CNTNAP2: variants seen among roughly 807,000 people sequenced by gnomAD.
The protein encoded by CNTNAP2 is contactin-associated protein-like 2.
A neutral mutation model predicts 155.2 loss-of-function variants in CNTNAP2; 98 were observed. The ratio of observed to expected loss-of-function variants is 0.63; its 90% CI spans 0.54 to 0.75. The LOEUF is 0.75. Among genes scored for constraint, CNTNAP2 ranks in the 30% least tolerant of loss-of-function variants. The pLI is 0.00. For synonymous variants in CNTNAP2, 651 were observed against 631.2 expected, an observed-to-expected ratio of 1.03 and a Z score of -0.47; for missense variants, 1,727 against 1,688.1, an observed-to-expected ratio of 1.02 and a Z score of -0.40.
Position 147,782,810 on chromosome 7 carries a change from C to T in CNTNAP2, c.2099-120755C>T, listed in dbSNP as rs1464585331. Among the ~76,000 whole-genome samples, 4 of 152,188 alleles carry T rather than the reference C, an allele frequency of 2.6e-5. No individual in the cohort carries two copies. In the East Asian group the frequency reaches 7.7e-4, roughly 29 times the overall value. On this transcript the variant is annotated intron_variant, in intron 13 of 23. Coordinates refer to ENST00000361727, the MANE Select transcript of CNTNAP2 (RefSeq NM_014141.6). ...TTTTACTCTCTCTCTCCTCTGCCTT[C>T]TCAGCTATCTACAATCAGGTTGTAT...
intron 20 of CNTNAP2, among the ~76,000 whole-genome samples, chr7:148,236,531 A>T (rs557096343): frequency 6.6e-6 from 1 of 152,314 alleles, no homozygotes; most frequent in Non-Finnish European, 1.5e-5. Context: ...ACACACGACC[A>T]TTCTGTCTCT....
chr7:147,945,840 C>T (rs966686867), intron 14 of CNTNAP2, among the ~76,000 whole-genome samples: 2 of 149,616 alleles, frequency 1.3e-5, no homozygotes, highest in Non-Finnish European at 3.0e-5. Context: ...CCACTTACTT[C>T]TCTTTTCTTT....
intron 9 of CNTNAP2, among the ~76,000 whole-genome samples, chr7:147,322,112 C>A (rs1795362609): frequency 6.6e-6 from 1 of 152,068 alleles, no homozygotes; most frequent in Non-Finnish European, 1.5e-5. Context: ...CATCCAAGTT[C>A]TAGATAGGAG....
chr7:146,116,821 G>A lies in CNTNAP2; in HGVS notation c.-56G>A. 2.2e-6 allele frequency: 3 copies of A among 1,394,592 alleles called. No homozygotes were observed. The highest frequency in any genetic ancestry group is 2.9e-6 in the Non-Finnish European group (3 of 1,017,660). The allele number at this position is 1,394,592 out of a possible 1,614,324, so 86.4% of individuals were successfully genotyped here. A position where few individuals can be genotyped will look rare whatever the true frequency, so the allele number is the denominator to read the frequency against. On this transcript the variant is annotated 5_prime_UTR_variant, in exon 1 of 24. Transcript: ENST00000361727. This position sits in a 1 kb window ranked among gnomAD's most constrained non-coding sequence, Gnocchi z 5.5. ...TCTCCCTTCAAGAACCCTACGGAGA[G>A]TCGGACTGCATCTCCGCAGCGAGCT...
At chr7:148,246,333 CT>C (rs1332085739) in intron 20 of CNTNAP2, among the ~76,000 whole-genome samples, 1 of 152,140 alleles carries the variant, frequency 6.6e-6, no homozygotes, top group Non-Finnish European at 1.5e-5. Flanking sequence ...GAAATGTAAC[CT>C]TTTCAACCAC....
intron 11 of CNTNAP2, among the ~76,000 whole-genome samples, chr7:147,514,787 C>A (rs1341378018): frequency 6.6e-6 from 1 of 152,068 alleles, no homozygotes; most frequent in Non-Finnish European, 1.5e-5. Context: ...CCACGTCTAC[C>A]CCATCAACTA....
At chr7:148,022,625 G>A (rs1246488610) in intron 15 of CNTNAP2, among the ~76,000 whole-genome samples, 1 of 152,106 alleles carries the variant, frequency 6.6e-6, no homozygotes, top group East Asian at 1.9e-4. Context: ...GGGCTGCATT[G>A]GCGTGGCCTG....
intron 13 of CNTNAP2, among the ~76,000 whole-genome samples, chr7:147,871,324 T>A (rs557689762): frequency 1.6e-4 from 25 of 152,334 alleles, no homozygotes; most frequent in African/African-American, 6.0e-4. Flanking sequence ...TAAGTCTGTC[T>A]GACCTGAAGG....
chr7:146,966,058 T>A (rs1297037348), intron 3 of CNTNAP2, among the ~76,000 whole-genome samples: 2 of 152,204 alleles, frequency 1.3e-5, no homozygotes, highest in Non-Finnish European at 2.9e-5. Flanking sequence ...CTGCTCCCCA[T>A]AGAGCTCCAC....
chr7:146,768,051 T>C (rs1215938202), intron 1 of CNTNAP2, among the ~76,000 whole-genome samples: 2 of 152,170 alleles, frequency 1.3e-5, no homozygotes. Flanking sequence ...TATCATATTC[T>C]GTTTCCTGTA....
At chr7:147,256,421 A>G (rs574163589) in intron 8 of CNTNAP2, among the ~76,000 whole-genome samples, 8 of 152,302 alleles carry the variant, frequency 5.3e-5, no homozygotes, top group Non-Finnish European at 1.0e-4. Context: ...TCATGTTAGC[A>G]TAGGTCACTA....
rs191151988 is a variant in CNTNAP2 at position 147,819,698 on chromosome 7, A to T, written c.2099-83867A>T. 9.5e-4 allele frequency among the ~76,000 whole-genome samples: 145 copies of T among 152,314 alleles called. 1 individual carries two copies. The highest frequency in any genetic ancestry group is 6.8e-3 in the Middle Eastern group (2 of 294). ...ATTCTGTCATGCCAATTCCTAGGTCATCAGTGCCTTTCAGTTCAAAGGAGA... is the reference window on the plus strand; with the variant it reads ...ATTCTGTCATGCCAATTCCTAGGTCTTCAGTGCCTTTCAGTTCAAAGGAGA... On this transcript the variant is annotated intron_variant, in intron 13 of 23. Transcript: ENST00000361727.
At chr7:148,122,522 G>T (rs1804621095) in intron 16 of CNTNAP2, among the ~76,000 whole-genome samples, 2 of 152,158 alleles carry the variant, frequency 1.3e-5, no homozygotes, top group African/African-American at 4.8e-5. Context: ...ACCCAGGAGG[G>T]GACAGGTGCA....
chr7:146,155,773 C>T (rs1394845453), intron 1 of CNTNAP2, among the ~76,000 whole-genome samples: 1 of 151,636 alleles, frequency 6.6e-6, no homozygotes, highest in Admixed American at 6.6e-5. Flanking sequence ...GATCTTGGCT[C>T]ACTACAACCT....
chr7:146,929,872 G>A (rs937964189), intron 3 of CNTNAP2, among the ~76,000 whole-genome samples: 1 of 152,114 alleles, frequency 6.6e-6, no homozygotes, highest in Non-Finnish European at 1.5e-5. Flanking sequence ...AATGAAGCGA[G>A]AAGGGAAGTT....
chr7:147,012,599 T>G (rs2129244103), intron 3 of CNTNAP2, among the ~76,000 whole-genome samples: 1 of 152,064 alleles, frequency 6.6e-6, no homozygotes, highest in South Asian at 2.1e-4. Context: ...TTTTAGAGAG[T>G]TTTAATTCTA....
At chr7:147,863,773 G>GTT (rs1191984079) in intron 13 of CNTNAP2, among the ~76,000 whole-genome samples, 3 of 104,802 alleles carry the variant, frequency 2.9e-5, no homozygotes, top group East Asian at 5.0e-4. Flanking sequence ...TTTTTGATGG[G>GTT]GTTGTTTTTT....
At chr7:147,013,455 A>ACTGTC (rs1798662402) in intron 3 of CNTNAP2, among the ~76,000 whole-genome samples, 1 of 152,108 alleles carries the variant, frequency 6.6e-6, no homozygotes, top group African/African-American at 2.4e-5. Flanking sequence ...ATTTTAGCTA[A>ACTGTC]CCTCACAAAA....
intron 5 of CNTNAP2, among the ~76,000 whole-genome samples, chr7:147,111,580 G>A (rs1563080437): frequency 6.6e-6 from 1 of 152,084 alleles, no homozygotes; most frequent in East Asian, 1.9e-4. Flanking sequence ...TCAATTTTCT[G>A]CATATGACTA....
Sources: allele counts gnomAD v4.1 joint callset (sites outside exome capture counted in the v4.1 genomes callset), GRCh38; gene constraint gnomAD v4.1.1; non-coding constraint Gnocchi (gnomAD v3.1); transcripts MANE v1.5; gene names NCBI Gene and HGNC (gene_info 2026-07-23, HGNC 2026-07-21).